Variants in CLIC5 observed in about 807,000 individuals in gnomAD.
CLIC5 encodes the protein CLIC family member 5, also known as chloride intracellular channel protein 5.
Under a neutral mutation model 24.7 loss-of-function variants are expected in CLIC5, and 20 were observed. That is an observed-to-expected ratio of 0.81 (90% CI 0.57 to 1.18). The LOEUF (loss-of-function observed/expected upper bound fraction) is 1.18, where lower values mean the gene tolerates loss of function less well. CLIC5 is among the 50% of genes most tolerant of loss of function. The probability of loss-of-function intolerance (pLI) is 0.00; values close to 1 mark genes in which losing one functional copy is unlikely to be tolerated. For synonymous variants in CLIC5, 159 were observed against 135.6 expected (o/e 1.17, Z -1.20); for missense variants, 341 against 326.1 (o/e 1.05, Z -0.35).
chr6:46,021,500 A>G (rs184415156), intron 1 of CLIC5, among the ~76,000 whole-genome samples: 1 of 152,332 alleles, frequency 6.6e-6, no homozygotes, highest in East Asian at 1.9e-4. Flanking sequence ...CAAAAGTATT[A>G]TTCATAATTG....
downstream of CLIC5, among the ~76,000 whole-genome samples, chr6:45,893,525 T>C (rs1219887653): frequency 6.6e-6 from 1 of 152,198 alleles, no homozygotes; most frequent in Non-Finnish European, 1.5e-5. Flanking sequence ...CACTTTCCTA[T>C]ATCACACTTC....
intron 1 of CLIC5, among the ~76,000 whole-genome samples, chr6:46,001,301 C>T (rs1193204173): frequency 1.3e-5 from 2 of 152,190 alleles, no homozygotes; most frequent in African/African-American, 4.8e-5. Flanking sequence ...GCTCTGGAAT[C>T]TGCCCTAGCA....
chr6:45,947,213 G>A (rs945722232), intron 3 of CLIC5, among the ~76,000 whole-genome samples: 2 of 152,224 alleles, frequency 1.3e-5, no homozygotes, highest in Non-Finnish European at 2.9e-5. Flanking sequence ...TGGTCCCACC[G>A]TGGTTGCAGA....
chr6:45,961,391 T>G (rs1764837124), intron 1 of CLIC5, among the ~76,000 whole-genome samples: 1 of 152,198 alleles, frequency 6.6e-6, no homozygotes, highest in South Asian at 2.1e-4. Context: ...GTTAAATGAA[T>G]TGCCCATGGT....
intron 5 of CLIC5, chr6:45,911,715 A>G (rs1346382555): frequency 7.1e-6 from 7 of 985,272 alleles, no homozygotes; most frequent in East Asian, 2.3e-4. Context: ...ATATACTTCT[A>G]TTGATGTTGG....
intron 5 of CLIC5, among the ~76,000 whole-genome samples, chr6:45,907,176 C>G (rs1267955311): frequency 6.6e-6 from 1 of 152,038 alleles, no homozygotes; most frequent in African/African-American, 2.4e-5. Flanking sequence ...AGATAGATGG[C>G]TCTTATTATT....
rs1204502819 is a variant in CLIC5, at chr6:45,899,650, A to C, written c.*3438T>G. ...TGACCTATCTTATGACAGTTCTAAGATGCTTGGTATTGTCTGTCTGTGGAG... is the reference window on the plus strand; with the variant it reads ...TGACCTATCTTATGACAGTTCTAAGCTGCTTGGTATTGTCTGTCTGTGGAG... On this transcript the variant is annotated 3_prime_UTR_variant, in exon 6 of 6. Coordinates refer to ENST00000339561, the MANE Select transcript of CLIC5 (RefSeq NM_016929.5). The C allele has an allele frequency of 6.6e-6, 1 of 152,244 alleles. No individual in the cohort carries two copies. The highest frequency in any genetic ancestry group is 1.5e-5 in the Non-Finnish European group (1 of 68,058). The allele number at this position is 152,244 out of a possible 1,614,324, so 9.4% of individuals were successfully genotyped here.
rs570871758 is a variant in CLIC5, at chr6:46,078,561, A to G, written c.540+1142T>C. On this transcript the variant is annotated intron_variant, in intron 1 of 5. Coordinates refer to the CLIC5 transcript ENST00000185206. ...TCTGTTTCATCTCTTACTATATTGT[A>G]TTAGAATACATTGAGTGCAAGTCTG... 3.9e-5 allele frequency among the ~76,000 whole-genome samples: 6 copies of G among 152,282 alleles called. No individual in the cohort carries two copies. The East Asian group carries it at 9.6e-4, about 24-fold the overall frequency.
intron 1 of CLIC5, among the ~76,000 whole-genome samples, chr6:46,005,974 A>ATG (rs1554160569): frequency 2.7e-4 from 35 of 128,324 alleles, no homozygotes; most frequent in Middle Eastern, 3.8e-3. Flanking sequence ...GACAGAGCCT[A>ATG]TGTGTGTATA....
chr6:45,940,477 A>G (rs1764090956), intron 4 of CLIC5, among the ~76,000 whole-genome samples: 2 of 152,202 alleles, frequency 1.3e-5, no homozygotes, highest in Non-Finnish European at 2.9e-5. Flanking sequence ...TGTTCCTGCC[A>G]TGATTTCGTC....
At chr6:46,062,352 T>G (rs987016736) in intron 1 of CLIC5, among the ~76,000 whole-genome samples, 11 of 152,270 alleles carry the variant, frequency 7.2e-5, no homozygotes, top group Non-Finnish European at 1.5e-4. Context: ...CTTACCACCT[T>G]GCATGTTTAC....
intron 1 of CLIC5, among the ~76,000 whole-genome samples, chr6:46,002,895 G>T (rs1463991552): frequency 5.3e-5 from 8 of 152,192 alleles, no homozygotes; most frequent in Non-Finnish European, 1.0e-4. Context: ...CAAAACCTTG[G>T]TCATCTCCCT....
chr6:45,931,085 G>GAA (rs1420727715), intron 4 of CLIC5, among the ~76,000 whole-genome samples: 1 of 152,208 alleles, frequency 6.6e-6, no homozygotes, highest in Non-Finnish European at 1.5e-5. Context: ...AGAATGATGT[G>GAA]AAATTCAAAT....
rs1207672048 is a variant in CLIC5 at position 45,899,042 on chromosome 6, A to G, written c.*4046T>C. On this transcript the variant is annotated 3_prime_UTR_variant, in exon 6 of 6. Coordinates refer to ENST00000339561, the MANE Select transcript of CLIC5 (RefSeq NM_016929.5). ...ATTATGCACACTTTGGATCATACAT[A>G]ATTATGAATCGAAAGTATCCTGACA... is the stretch of plus-strand genomic sequence containing the variant. The G allele has an allele frequency of 6.6e-6, 1 of 152,212 alleles. No individual in the cohort carries two copies. The highest frequency in any genetic ancestry group is 1.5e-5 in the Non-Finnish European group (1 of 68,040). The allele number at this position is 152,212 out of a possible 1,614,324, so 9.4% of individuals were successfully genotyped here.
intron 1 of CLIC5, among the ~76,000 whole-genome samples, chr6:46,043,044 T>C (rs113912107): frequency 6.6e-6 from 1 of 152,208 alleles, no homozygotes; most frequent in Admixed American, 6.5e-5. Context: ...CAGAAGTGTG[T>C]AATTTGCAGG....
At chr6:46,109,855 C>T in the CLIC5 span, among the ~76,000 whole-genome samples, 2 of 148,304 alleles carry the variant, frequency 1.3e-5, no homozygotes, top group Non-Finnish European at 3.1e-5. Flanking sequence ...GCAGGGCTTG[C>T]ATGTCTGACA....
downstream of CLIC5, among the ~76,000 whole-genome samples, chr6:45,895,209 CTTAT>C (rs1471327113): frequency 2.0e-5 from 3 of 152,094 alleles, no homozygotes; most frequent in African/African-American, 7.2e-5. Flanking sequence ...TCGTTTAAAC[CTTAT>C]TTAGTCAGAT....
rs904988687 is a variant in CLIC5, at chr6:45,902,851, G to T, written c.*237C>A. 8 of 528,356 alleles carry T rather than the reference G, an allele frequency of 1.5e-5. No individual in the cohort carries two copies. The African/African-American group carries it at 1.6e-4, about 10-fold the overall frequency. The allele number at this position is 528,356 out of a possible 1,614,324, so 32.7% of individuals were successfully genotyped here. ...AAACATGCTGAGCCCAGATCAGGCT[G>T]GCCGGCCGAAAGGTGGACTGTGTCT... On this transcript the variant is annotated 3_prime_UTR_variant, in exon 6 of 6. Transcript: ENST00000339561.
At chr6:46,097,337 A>C in the CLIC5 span, 1 of 152,376 alleles carries the variant, frequency 6.6e-6, no homozygotes, top group African/African-American at 2.4e-5. Flanking sequence ...AATTTTTCAT[A>C]ATACAATGTC....
Sources: allele counts gnomAD v4.1 joint callset (sites outside exome capture counted in the v4.1 genomes callset), GRCh38; gene constraint gnomAD v4.1.1; transcripts MANE v1.5; gene names NCBI Gene and HGNC (gene_info 2026-07-23, HGNC 2026-07-21).